Variants in SLC22A24 observed in about 807,000 individuals in gnomAD.
SLC22A24 encodes solute carrier family 22 member 24.
SLC22A24 carries 53 observed loss-of-function variants against 49.8 expected under a neutral mutation model. The ratio of observed to expected loss-of-function variants is 1.06; its 90% confidence interval spans 0.85 to 1.34. SLC22A24 has a LOEUF of 1.34. Ranked by LOEUF, SLC22A24 falls within the 40% of genes most tolerant of loss-of-function variation. The probability of loss-of-function intolerance (pLI) is 0.00; values close to 1 mark genes in which losing one functional copy is unlikely to be tolerated. For missense variants in SLC22A24, 786 were observed against 675.9 expected (o/e 1.16, Z -1.81); for synonymous variants, 302 against 256.4 (o/e 1.18, Z -1.70).
At chr11:63,116,930 A>T (rs369934552) in intron 4 of SLC22A24, among the ~76,000 whole-genome samples, 2 of 151,810 alleles carry the variant, frequency 1.3e-5, no homozygotes, top group African/African-American at 4.8e-5. Context: ...CCTTTTAAAC[A>T]TTTCCATCTT....
At chr11:63,136,433 T>C (rs1041711351) in intron 1 of SLC22A24, among the ~76,000 whole-genome samples, 34 of 152,282 alleles carry the variant, frequency 2.2e-4, no homozygotes, top group African/African-American at 8.2e-4. Context: ...CATGACAACA[T>C]CCAACAGCAC....
intron 1 of SLC22A24, among the ~76,000 whole-genome samples, chr11:63,142,731 A>AC (rs2087423221): frequency 2.0e-5 from 3 of 151,874 alleles, no homozygotes; most frequent in Non-Finnish European, 1.5e-5. Flanking sequence ...TGATCTTGTG[A>AC]CCCCCACTTA....
chr11:63,106,049 T>G (rs1278497259), intron 4 of SLC22A24, among the ~76,000 whole-genome samples: 2 of 151,858 alleles, frequency 1.3e-5, no homozygotes. Context: ...TCATTTAGCA[T>G]TAGGTATATC....
chr11:63,106,946 T>G (rs1240860169), intron 4 of SLC22A24, among the ~76,000 whole-genome samples: 1 of 152,210 alleles, frequency 6.6e-6, no homozygotes, highest in Non-Finnish European at 1.5e-5. Flanking sequence ...AGATCCCGTC[T>G]GTGAATTATG....
intron 6 of SLC22A24, among the ~76,000 whole-genome samples, chr11:63,095,329 A>G (rs1027695889): frequency 6.6e-6 from 1 of 152,188 alleles, no homozygotes; most frequent in African/African-American, 2.4e-5. Flanking sequence ...TCCAAAACCC[A>G]TGAACACCAG....
intron 1 of SLC22A24, among the ~76,000 whole-genome samples, chr11:63,137,062 G>T (rs190154985): frequency 1.3e-5 from 2 of 152,056 alleles, no homozygotes; most frequent in African/African-American, 4.8e-5. Context: ...GATGTCTGTA[G>T]CCCCATTGCA....
Position 63,083,335 on chromosome 11 carries a change from A to T in SLC22A24, c.1193T>A (p.Leu398Ter), listed in dbSNP as rs781351253. 1 of 1,557,690 alleles carries T rather than the reference A, an allele frequency of 6.4e-7. No individual in the cohort carries two copies. The highest frequency in any genetic ancestry group is 8.7e-7 in the Non-Finnish European group (1 of 1,149,734). Residue 398 changes from leucine to a stop codon, truncating the protein, a stop_gained, in exon 7 of 10, where the codon TTG becomes TAG. Coordinates refer to ENST00000612278, the MANE Select transcript of SLC22A24 (RefSeq NM_001136506.2). LOFTEE classifies it high-confidence loss of function. Reference protein sequence around the residue: ...VTFTARCVSLLTLNHMGRRIS... With the variant: ...VTFTARCVSL ...TCGACGACCCATATGATTCAGTGTCAAAAGGGAAACACATCTGGCTGTGAA... is the reference window on the plus strand; with the variant it reads ...TCGACGACCCATATGATTCAGTGTCTAAAGGGAAACACATCTGGCTGTGAA...
intron 5 of SLC22A24, among the ~76,000 whole-genome samples, chr11:63,098,517 AATT>A (rs2087069321): frequency 6.6e-6 from 1 of 151,976 alleles, no homozygotes; most frequent in Non-Finnish European, 1.5e-5. Flanking sequence ...AAAATGCAAA[AATT>A]AGCCAGGCAT....
chr11:63,112,843 C>A (rs987183327), intron 4 of SLC22A24, among the ~76,000 whole-genome samples: 1 of 150,468 alleles, frequency 6.6e-6, no homozygotes. Flanking sequence ...GAAACCCCGT[C>A]TCTACTAAAA....
rs1044537713 is a variant in SLC22A24, at chr11:63,086,783, GTAAC to G, written c.1071-3330_1071-3327del. On this transcript the variant is annotated intron_variant, in intron 6 of 9. Transcript: ENST00000612278. ...AATATCTCAAAATATATGGAAATGA[GTAAC>G]TATGTGAGATTATGAATATGCTAAT... Among the ~76,000 whole-genome samples, 20 of 152,074 alleles carry G rather than the reference GTAAC, an allele frequency of 1.3e-4. No individual in the cohort carries two copies. The East Asian group carries it at 2.1e-3, about 16-fold the overall frequency.
At chr11:63,101,100 A>G (rs1174552572) in intron 5 of SLC22A24, among the ~76,000 whole-genome samples, 1 of 152,098 alleles carries the variant, frequency 6.6e-6, no homozygotes, top group Non-Finnish European at 1.5e-5. Context: ...ATAATCAACA[A>G]GGTAAAGAGA....
intron 4 of SLC22A24, among the ~76,000 whole-genome samples, chr11:63,110,081 C>G (rs1303819948): frequency 6.6e-6 from 1 of 151,894 alleles, no homozygotes; most frequent in African/African-American, 2.4e-5. Flanking sequence ...GCCAGTTTTC[C>G]CAGCACCATT....
At chr11:63,137,117 C>T (rs1055059826) in intron 1 of SLC22A24, among the ~76,000 whole-genome samples, 2 of 152,086 alleles carry the variant, frequency 1.3e-5, no homozygotes, top group Non-Finnish European at 2.9e-5. Flanking sequence ...GTGTCTGTAG[C>T]TCCATTGCAG....
intron 5 of SLC22A24, among the ~76,000 whole-genome samples, chr11:63,102,179 GT>G (rs2087095410): frequency 6.6e-6 from 1 of 152,004 alleles, no homozygotes; most frequent in African/African-American, 2.4e-5. Context: ...TGCATTGTAT[GT>G]TTGTATCAAA....
chr11:63,081,572 G>A lies in SLC22A24; in HGVS notation c.1380C>T (p.Val460=), dbSNP rs767237880. 3.9e-6 allele frequency: 6 copies of A among 1,550,822 alleles called. No individual in the cohort carries two copies. The South Asian group carries it at 5.9e-5, about 15-fold the overall frequency. ...AGCTCTTGTACCTCAATATGGTGGG[G>A]ACGAGCTCGTTGTGGTGGACAGAAG... The part of the protein sequence containing the change: ...NSASVHHNEL[V]PTILRSTVAG... The change falls in exon 8 of 10, where the codon GTC becomes GTT. Residue 460 remains valine (V), a synonymous_variant. Transcript: ENST00000612278.
chr11:63,109,668 T>G (rs1036497007), intron 4 of SLC22A24, among the ~76,000 whole-genome samples: 1 of 152,006 alleles, frequency 6.6e-6, no homozygotes, highest in African/African-American at 2.4e-5. Flanking sequence ...TCTGTTCATG[T>G]CCTTTGCCCA....
intron 4 of SLC22A24, among the ~76,000 whole-genome samples, chr11:63,110,363 A>T (rs1341864464): frequency 2.6e-5 from 4 of 152,128 alleles, no homozygotes; most frequent in Non-Finnish European, 4.4e-5. Flanking sequence ...AGTTTAAAGT[A>T]GTTTTTTCCA....
At chr11:63,108,980 A>T (rs375421052) in intron 4 of SLC22A24, among the ~76,000 whole-genome samples, 1 of 127,262 alleles carries the variant, frequency 7.9e-6, no homozygotes, top group East Asian at 2.7e-4. Flanking sequence ...ATATCTCCCA[A>T]TGCTATCCCT....
chr11:63,089,402 G>A (rs1182543492), intron 6 of SLC22A24, among the ~76,000 whole-genome samples: 1 of 152,170 alleles, frequency 6.6e-6, no homozygotes, highest in African/African-American at 2.4e-5. Flanking sequence ...CCTGCCTTAT[G>A]AGAGCACCTG....
Sources: allele counts gnomAD v4.1 joint callset (sites outside exome capture counted in the v4.1 genomes callset), GRCh38; gene constraint gnomAD v4.1.1; transcripts MANE v1.5; gene names NCBI Gene and HGNC (gene_info 2026-07-23, HGNC 2026-07-21).